Variants in MOGAT1 observed in about 807,000 individuals in gnomAD.
MOGAT1 encodes the protein monoacylglycerol O-acyltransferase 1.
A neutral mutation model predicts 31.4 loss-of-function variants in MOGAT1; 32 were observed. The ratio of observed to expected loss-of-function variants is 1.02; its 90% CI spans 0.77 to 1.37. The LOEUF is 1.37. Among genes scored for constraint, MOGAT1 ranks in the 40% most tolerant of loss-of-function variants. The probability of loss-of-function intolerance (pLI) is 0.00; values close to 1 mark genes in which losing one functional copy is unlikely to be tolerated. For synonymous variants in MOGAT1, 145 were observed against 144.5 expected (o/e 1.00, Z -0.03); for missense variants, 426 against 402.0 (o/e 1.06, Z -0.51).
chr2:222,701,396 GAA>G lies in MOGAT1; in HGVS notation c.853+6110_853+6111del, dbSNP rs553618202. Among the ~76,000 whole-genome samples the G allele has an allele frequency of 2.8e-3, 407 of 143,122 alleles. 2 individuals carry two copies. The highest frequency in any genetic ancestry group is 9.7e-3 in the African/African-American group (374 of 38,510). 93.9% of individuals were successfully genotyped at this position (143,122 alleles called of 152,430 possible). Reference sequence around the variant, plus strand: ...AAGGAAGGAAAGAGAAAGAAAGAAAGAAAGAGAGAGAGAGAGAAAAATAAAGA... The same window carrying G: ...AAGGAAGGAAAGAGAAAGAAAGAAAGAGAGAGAGAGAGAGAAAAATAAAGA... On this transcript the variant is annotated intron_variant, in intron 5 of 5. Coordinates refer to ENST00000446656, the MANE Select transcript of MOGAT1 (RefSeq NM_058165.3).
rs1376514407 is a variant in MOGAT1 at position 222,689,433 on chromosome 2, T to C, written c.442T>C (p.Trp148Arg). ...TCTTCACGTGCTGCCACTTTGGTTC[T>C]GGTGTCCTGTCTTTCGAGAATATGT... ...SYLHVLPLWF[W>R]CPVFREYVMS... Residue 148 changes from tryptophan (W) to arginine (R), a missense_variant, in exon 3 of 6, where the codon TGG becomes CGG. By Grantham distance (101) the Trp-to-Arg change is moderately radical (BLOSUM62 -3). Coordinates refer to ENST00000446656, the MANE Select transcript of MOGAT1 (RefSeq NM_058165.3). The C allele has an allele frequency of 1.2e-6, 2 of 1,613,956 alleles. No individual in the cohort carries two copies. Among genetic ancestry groups the C allele is most frequent in the Non-Finnish European group, 1.7e-6 (2 of 1,179,898 alleles).
chr2:222,676,527 T>C (rs1692500241), intron 1 of MOGAT1, among the ~76,000 whole-genome samples: 1 of 152,220 alleles, frequency 6.6e-6, no homozygotes, highest in African/African-American at 2.4e-5. Context: ...CTCATAGCTA[T>C]TATGAATAAT....
Position 222,709,787 on chromosome 2 carries a change from T to C in MOGAT1, c.905T>C (p.Ile302Thr), listed in dbSNP as rs373509559. The part of the protein sequence containing the change: ...RQTLNPTQEQ[I>T]EELHQTYMEE... ...ACTCTGAACCCGACCCAGGAGCAGATTGAGGAGTTACATCAGACCTATATG... is the reference window on the plus strand; with the variant it reads ...ACTCTGAACCCGACCCAGGAGCAGACTGAGGAGTTACATCAGACCTATATG... The change falls in exon 6 of 6, where the codon ATT becomes ACT. Residue 302 changes from isoleucine to threonine, a missense_variant. By Grantham distance (89) the Ile-to-Thr change is moderately conservative (BLOSUM62 -1). Transcript: ENST00000446656. 6 of 1,613,442 alleles carry C rather than the reference T, an allele frequency of 3.7e-6. No homozygotes were observed. Among genetic ancestry groups the C allele is most frequent in the South Asian group, 2.2e-5 (2 of 91,026 alleles).
In MOGAT1 at chr2:222,709,677, G is replaced by A. The variant is rs148775353; in HGVS notation, c.854-59G>A. The A allele has an allele frequency of 7.9e-4, 1,195 of 1,512,360 alleles. 12 individuals are homozygous for A. The African/African-American group carries it at 0.014, about 18-fold the overall frequency. 93.7% of individuals were successfully genotyped at this position (1,512,360 alleles called of 1,614,324 possible). On this transcript the variant is annotated intron_variant, in intron 5 of 5. Transcript: ENST00000446656. ...GTGTTCACAGCTGTGCATTAGGGGC[G>A]GCGGTCTGTGGTGGAGTGGTTTTAG...
chr2:222,706,468 G>GCA (rs1693004457), intron 5 of MOGAT1, among the ~76,000 whole-genome samples: 3 of 105,802 alleles, frequency 2.8e-5, no homozygotes, highest in African/African-American at 1.2e-4. Context: ...GAAAAACTCT[G>GCA]TATAAAAAAA....
chr2:222,694,341 CT>C lies in MOGAT1; in HGVS notation c.479-16del. 6.4e-7 allele frequency: 1 copy of C among 1,573,358 alleles called. No homozygotes were observed. On this transcript the variant is annotated intron_variant, in intron 3 of 5. Transcript: ENST00000446656. ...ATTGTTAGAAAAGGATAACTAGTTA[CT>C]TTTTGTTTTATTCACTAAGGGCTGG...
At chr2:222,673,391 G>A (rs1198309023) in intron 1 of MOGAT1, among the ~76,000 whole-genome samples, 2 of 146,256 alleles carry the variant, frequency 1.4e-5, no homozygotes, top group African/African-American at 5.1e-5. Context: ...AGACTACACC[G>A]TGAGGCAGGG....
At chr2:222,705,422 G>A (rs895343430) in intron 5 of MOGAT1, among the ~76,000 whole-genome samples, 7 of 152,160 alleles carry the variant, frequency 4.6e-5, no homozygotes, top group Non-Finnish European at 1.0e-4. Flanking sequence ...TCCGACAATA[G>A]GGCTAGGATT....
At chr2:222,681,280 G>T (rs530505178) in intron 1 of MOGAT1, among the ~76,000 whole-genome samples, 2 of 152,134 alleles carry the variant, frequency 1.3e-5, no homozygotes, top group Admixed American at 1.3e-4. Context: ...ACAAGTCCAG[G>T]TTGGCACTTG....
chr2:222,695,005 G>C (rs1692819513), intron 4 of MOGAT1, 84 bp from the exon 5 acceptor site: 2 of 1,099,288 alleles, frequency 1.8e-6, no homozygotes, highest in Non-Finnish European at 2.5e-6. Context: ...TTTTTCAGAA[G>C]TTGTTGCAAG....
chr2:222,704,129 C>CT (rs1692969638), intron 5 of MOGAT1, among the ~76,000 whole-genome samples: 1 of 152,274 alleles, frequency 6.6e-6, no homozygotes, highest in South Asian at 2.1e-4. Flanking sequence ...GCGTTGGCAG[C>CT]TTTTTTTCCA....
At chr2:222,708,276 G>A (rs1693036840) in intron 5 of MOGAT1, among the ~76,000 whole-genome samples, 1 of 152,112 alleles carries the variant, frequency 6.6e-6, no homozygotes, top group East Asian at 1.9e-4. Context: ...TAGAGACGGT[G>A]TTTCGCCATG....
Position 222,709,899 on chromosome 2 carries a change from T to TAA in MOGAT1, c.*17_*18dup. On this transcript the variant is annotated 3_prime_UTR_variant, in exon 6 of 6. Coordinates refer to ENST00000446656, the MANE Select transcript of MOGAT1 (RefSeq NM_058165.3). ...CTCTTGTTTTAAAATGACTTGACTA[T>TAA]AAAAAAAAATTAAAAAATAAAAATA... 5 of 1,543,766 alleles carry TAA rather than the reference T, an allele frequency of 3.2e-6. No individual in the cohort carries two copies. Among genetic ancestry groups the TAA allele is most frequent in the Admixed American group, 2.0e-5 (1 of 50,058 alleles).
At position 222,694,347 on chromosome 2, in the gene MOGAT1, G is replaced by C. The variant is rs1377546267; in HGVS notation, c.479-15G>C. Reference sequence around the variant, plus strand: ...AGAAAAGGATAACTAGTTACTTTTTGTTTTATTCACTAAGGGCTGGTTTCA... The same window carrying C: ...AGAAAAGGATAACTAGTTACTTTTTCTTTTATTCACTAAGGGCTGGTTTCA... On this transcript the variant is annotated splice_polypyrimidine_tract_variant and intron_variant, in intron 3 of 5. Transcript: ENST00000446656. 1 of 1,581,406 alleles carries C rather than the reference G, an allele frequency of 6.3e-7. No individual in the cohort carries two copies. Among genetic ancestry groups the C allele is most frequent in the Non-Finnish European group, 8.6e-7 (1 of 1,164,946 alleles).
At chr2:222,682,921 CA>C (rs747437672) in intron 1 of MOGAT1, among the ~76,000 whole-genome samples, 9 of 152,158 alleles carry the variant, frequency 5.9e-5, no homozygotes, top group Non-Finnish European at 1.2e-4. Context: ...AAACAGAATA[CA>C]GCCAGGTACA....
intron 1 of MOGAT1, among the ~76,000 whole-genome samples, chr2:222,675,485 T>TC (rs1472800744): frequency 6.7e-6 from 1 of 149,582 alleles, no homozygotes; most frequent in Non-Finnish European, 1.5e-5. Flanking sequence ...CTTTTTCTTT[T>TC]TTTTTTTTTT....
At chr2:222,678,605 AT>A (rs1692532254) in intron 1 of MOGAT1, among the ~76,000 whole-genome samples, 1 of 152,128 alleles carries the variant, frequency 6.6e-6, no homozygotes, top group Non-Finnish European at 1.5e-5. Context: ...AATTGTATCC[AT>A]TTTTTTAATA....
intron 1 of MOGAT1, among the ~76,000 whole-genome samples, chr2:222,684,864 C>T (rs1449308869): frequency 3.9e-5 from 6 of 152,012 alleles, no homozygotes; most frequent in Non-Finnish European, 2.9e-5. Context: ...CGTGAGCCAC[C>T]GTGCCCAGCC....
chr2:222,683,671 G>C (rs1574971034), intron 1 of MOGAT1, among the ~76,000 whole-genome samples: 1 of 150,472 alleles, frequency 6.6e-6, no homozygotes, highest in East Asian at 2.0e-4. Flanking sequence ...GAGGTTCAGT[G>C]AGCCGAGATC....
Sources: gnomAD v4.1 joint callset for allele counts (sites outside exome capture counted in the v4.1 genomes callset) on GRCh38, gnomAD v4.1.1 for gene constraint, MANE v1.5 for transcripts, NCBI Gene and HGNC (gene_info 2026-07-23, HGNC 2026-07-21) for gene names.